The following OR10A6 variants were observed in gnomAD, a reference collection of about 807,000 sequenced individuals.
The protein encoded by OR10A6 is olfactory receptor family 10 subfamily A member 6 (gene/pseudogene), also known as olfactory receptor 10A6.
A neutral mutation model predicts 1.5 loss-of-function variants in OR10A6; 2 were observed. The observed-to-expected ratio is 1.31, with a 90% CI of 0.54 to 4.13. The LOEUF (loss-of-function observed/expected upper bound fraction) is 4.13, where lower values mean the gene tolerates loss of function less well. Ranked by LOEUF, OR10A6 falls within the 30% of genes most tolerant of loss-of-function variation. The pLI is 0.07. For synonymous variants in OR10A6, 169 were observed against 137.3 expected (o/e 1.23, Z -1.61); for missense variants, 492 against 368.6 (o/e 1.33, Z -2.74).
In OR10A6 at chr11:7,927,955, C is replaced by G; in HGVS notation, c.708G>C (p.Lys236Asn). The change falls in exon 4 of 4, where the codon AAG (lysine) becomes AAC (asparagine). Residue 236 changes from lysine to asparagine, a missense_variant. By Grantham distance (94) the Lys-to-Asn change is moderately conservative. Transcript: ENST00000641238. ...LKMPSTTGRQ[K>N]AFSTCAAHLT... ...GGTGAGCGGCACAGGTGGAAAAGGC[C>G]TTTTGTCTCCCAGTGGTTGATGGCA... 6.2e-7 allele frequency: 1 copy of G among 1,613,856 alleles called. No individual in the cohort carries two copies. Among genetic ancestry groups the G allele is most frequent in the Non-Finnish European group, 8.5e-7 (1 of 1,179,970 alleles).
In OR10A6 at chr11:7,929,282, C is replaced by T. The variant is rs1260551815; in HGVS notation, c.-620G>A. On this transcript the variant is annotated 5_prime_UTR_variant, in exon 4 of 4. Transcript: ENST00000641238. ...GTGACCTATAGACTATGTGAATTGG[C>T]TTCAAGCTTGCAGATTTCTGCCCAT... The T allele has an allele frequency of 6.6e-6, 1 of 152,152 alleles. No homozygotes were observed. The highest frequency in any genetic ancestry group is 1.5e-5 in the Non-Finnish European group (1 of 68,030). 9.4% of individuals were successfully genotyped at this position (152,152 alleles called of 1,614,324 possible).
rs1407074941 is a variant in OR10A6 at position 7,928,179 on chromosome 11, A to G, written c.484T>C (p.Trp162Arg). 3.7e-6 allele frequency: 6 copies of G among 1,613,490 alleles called. No individual in the cohort carries two copies. The Admixed American group carries it at 5.0e-5, about 13-fold the overall frequency. The stretch of plus-strand genomic sequence containing the variant: ...CCACAAAAGGGAAAACTAGATACCC[A>G]TGATGTTTGAACAGTACCTAACATA... ...GFMLGTVQTS[W>R]VSSFPFCGLN... is the part of the protein sequence containing the mutation. Residue 162 changes from tryptophan to arginine, a missense_variant, in exon 4 of 4, where the codon TGG becomes CGG. Coordinates refer to ENST00000641238, the MANE Select transcript of OR10A6 (RefSeq NM_001004461.2).
chr11:7,925,989 A>G lies in OR10A6; in HGVS notation c.*1729T>C, dbSNP rs769475319. On this transcript the variant is annotated 3_prime_UTR_variant, in exon 4 of 4. Coordinates refer to ENST00000641238, the MANE Select transcript of OR10A6 (RefSeq NM_001004461.2). ...GAGAACTTATCTTCCCATTTCACAT[A>G]CTTTCCTCTGATTGTTCCCCGCTCT... 3 of 152,170 alleles carry G rather than the reference A, an allele frequency of 2.0e-5. No homozygotes were observed. The highest frequency in any genetic ancestry group is 4.4e-5 in the Non-Finnish European group (3 of 68,034). The allele number at this position is 152,170 out of a possible 1,614,324, so 9.4% of individuals were successfully genotyped here.
At position 7,928,491 on chromosome 11, in the gene OR10A6, G is replaced by C. The variant is rs750978572; in HGVS notation, c.172C>G (p.Pro58Ala). The C allele has an allele frequency of 3.7e-6, 6 of 1,613,784 alleles. No homozygotes were observed. The Admixed American group carries it at 8.3e-5, about 22-fold the overall frequency. ...IVSLDQSLHVPMYLFLLNLSV... is the reference protein window; with the variant it reads ...IVSLDQSLHVAMYLFLLNLSV... ...AAGTTCAGGAGAAACAGGTACATGG[G>C]AACGTGGAGGCTCTGGTCTAGGGAG... Residue 58 changes from proline (P) to alanine (A), a missense_variant, in exon 4 of 4, where the codon CCC (proline) becomes GCC (alanine). By Grantham distance (27) the Pro-to-Ala change is conservative. Coordinates refer to ENST00000641238, the MANE Select transcript of OR10A6 (RefSeq NM_001004461.2).
Position 7,928,224 on chromosome 11 carries a change from A to C in OR10A6, c.439T>G (p.Phe147Val). 1 of 1,610,484 alleles carries C rather than the reference A, an allele frequency of 6.2e-7. No homozygotes were observed. The highest frequency in any genetic ancestry group is 8.5e-7 in the Non-Finnish European group (1 of 1,177,694). The change falls in exon 4 of 4, where the codon TTT (phenylalanine) becomes GTT (valine). Residue 147 changes from phenylalanine to valine, a missense_variant. Transcript: ENST00000641238. ...AACATAAAACCTAAGGCCCATGAAA[A>C]TATAATTAATTTCATAAAAACTCCT... The part of the protein sequence containing the change: ...NKGVFMKLII[F>V]SWALGFMLGT...
chr11:7,930,050 C>A lies in OR10A6; in HGVS notation c.-1388G>T, dbSNP rs184108499. On this transcript the variant is annotated 5_prime_UTR_variant, in exon 4 of 4. Transcript: ENST00000641238. Reference sequence around the variant, plus strand: ...GGCAAAGATTTTGTTTGCTTCTTTGCTCTACACACACTGCCTACACTACAA... The same window carrying A: ...GGCAAAGATTTTGTTTGCTTCTTTGATCTACACACACTGCCTACACTACAA... The A allele has an allele frequency of 1.9e-5, 1 of 53,378 alleles. No homozygotes were observed. The highest frequency in any genetic ancestry group is 6.5e-5 in the African/African-American group (1 of 15,394). 3.3% of individuals were successfully genotyped at this position (53,378 alleles called of 1,614,324 possible).
Position 7,928,768 on chromosome 11 carries a change from G to A in OR10A6, c.-106C>T. ...AGTCTGCATTCACCCCAGAAATTCTGGCAGAAGATGAGGAGCCTATCCTGA... is the reference window on the plus strand; with the variant it reads ...AGTCTGCATTCACCCCAGAAATTCTAGCAGAAGATGAGGAGCCTATCCTGA... On this transcript the variant is annotated 5_prime_UTR_variant, in exon 4 of 4. Coordinates refer to ENST00000641238, the MANE Select transcript of OR10A6 (RefSeq NM_001004461.2). 1.4e-6 allele frequency: 1 copy of A among 736,562 alleles called. No homozygotes were observed. 45.6% of individuals were successfully genotyped at this position (736,562 alleles called of 1,614,324 possible). A position where few individuals can be genotyped will look rare whatever the true frequency, so the allele number is the denominator to read the frequency against.
In OR10A6 at chr11:7,927,026, A is replaced by C. The variant is rs1419883645; in HGVS notation, c.*692T>G. ...CAGCCGTACTTTAAATGACCTTCAAAAATGATCACATGATGTTCTCTACTC... is the reference window on the plus strand; with the variant it reads ...CAGCCGTACTTTAAATGACCTTCAACAATGATCACATGATGTTCTCTACTC... On this transcript the variant is annotated 3_prime_UTR_variant, in exon 4 of 4. Coordinates refer to ENST00000641238, the MANE Select transcript of OR10A6 (RefSeq NM_001004461.2). The C allele has an allele frequency of 2.0e-5, 3 of 152,324 alleles. No individual in the cohort carries two copies. 9.4% of individuals were successfully genotyped at this position (152,324 alleles called of 1,614,324 possible). A position where few individuals can be genotyped will look rare whatever the true frequency, so the allele number is the denominator to read the frequency against.
In OR10A6 at chr11:7,927,133, A is replaced by G. The variant is rs1468990640; in HGVS notation, c.*585T>C. ...ATAGACTCTCTGGGTCCCTGAGTAG[A>G]GACATTGTGTTCCTCTCAATAAATA... On this transcript the variant is annotated 3_prime_UTR_variant, in exon 4 of 4. Transcript: ENST00000641238. 2 of 152,162 alleles carry G rather than the reference A, an allele frequency of 1.3e-5. No individual in the cohort carries two copies. The highest frequency in any genetic ancestry group is 1.3e-4 in the Admixed American group (2 of 15,256). 9.4% of individuals were successfully genotyped at this position (152,162 alleles called of 1,614,324 possible).
rs58402229 is a variant in OR10A6 at position 7,929,966 on chromosome 11, G to GTATATATATGTGTATATATATATACATA, written c.-1305_-1304insTATGTATATATATATACACATATATATA. ...TCTAGTAAGGTATGTGTATGTGTAT[G>GTATATATATGTGTATATATATATACATA]TATATATATATATATATATATATAT... On this transcript the variant is annotated 5_prime_UTR_variant, in exon 4 of 4. It adds an upstream start codon to the 5' untranslated region. Transcript: ENST00000641238. The GTATATATATGTGTATATATATATACATA allele has an allele frequency of 1.7e-5, 1 of 57,262 alleles. No homozygotes were observed. Among genetic ancestry groups the GTATATATATGTGTATATATATATACATA allele is most frequent in the Non-Finnish European group, 3.2e-5 (1 of 31,394 alleles). 3.5% of individuals were successfully genotyped at this position (57,262 alleles called of 1,614,324 possible). A position where few individuals can be genotyped will look rare whatever the true frequency, so the allele number is the denominator to read the frequency against.
rs1472616094 is a variant in OR10A6, at chr11:7,930,091, A to G, written c.-1429T>C. ...TACACTACAACCCTCCCTGGCTCATAATAGGTTTTAAACCAACATTTTTGA... is the reference window on the plus strand; with the variant it reads ...TACACTACAACCCTCCCTGGCTCATGATAGGTTTTAAACCAACATTTTTGA... On this transcript the variant is annotated 5_prime_UTR_variant, in exon 4 of 4. Coordinates refer to ENST00000641238, the MANE Select transcript of OR10A6 (RefSeq NM_001004461.2). The G allele has an allele frequency of 6.7e-6, 1 of 149,028 alleles. No individual in the cohort carries two copies. Among genetic ancestry groups the G allele is most frequent in the African/African-American group, 2.5e-5 (1 of 40,374 alleles). 9.2% of individuals were successfully genotyped at this position (149,028 alleles called of 1,614,324 possible). A position where few individuals can be genotyped will look rare whatever the true frequency, so the allele number is the denominator to read the frequency against.
chr11:7,928,395 T>C lies in OR10A6; in HGVS notation c.268A>G (p.Thr90Ala), dbSNP rs1026058498. ...AAACAGCCCCCAAAAGAAATTGTAGTTTTTTCAGTAGAGAGGACCACCAGC... is the reference window on the plus strand; with the variant it reads ...AAACAGCCCCCAAAAGAAATTGTAGCTTTTTCAGTAGAGAGGACCACCAGC... ...EMLVVLSTEK[T>A]TISFGGCFAQ... The change falls in exon 4 of 4, where the codon ACT (threonine) becomes GCT (alanine). Residue 90 changes from threonine (T) to alanine (A), a missense_variant. Physicochemically the swap from Thr to Ala is moderately conservative, Grantham distance 58. Coordinates refer to ENST00000641238, the MANE Select transcript of OR10A6 (RefSeq NM_001004461.2). 2 of 1,613,824 alleles carry C rather than the reference T, an allele frequency of 1.2e-6. No homozygotes were observed. The highest frequency in any genetic ancestry group is 2.2e-5 in the South Asian group (2 of 91,042).
chr11:7,928,868 A>G lies in OR10A6; in HGVS notation c.-206T>C. ...ATTCCAAATATAAAAAATAGAAATG[A>G]AGAATTCTGGCTCAGAGATCTTGTC... On this transcript the variant is annotated 5_prime_UTR_variant, in exon 4 of 4. Coordinates refer to ENST00000641238, the MANE Select transcript of OR10A6 (RefSeq NM_001004461.2). The G allele has an allele frequency of 2.4e-6, 1 of 408,646 alleles. No homozygotes were observed. The highest frequency in any genetic ancestry group is 4.3e-6 in the Non-Finnish European group (1 of 232,030). The allele number at this position is 408,646 out of a possible 1,614,324, so 25.3% of individuals were successfully genotyped here.
At position 7,925,525 on chromosome 11, in the gene OR10A6, A is replaced by G. The variant is rs1355663645; in HGVS notation, c.*2193T>C. The G allele has an allele frequency of 2.0e-5, 3 of 152,160 alleles. No individual in the cohort carries two copies. The highest frequency in any genetic ancestry group is 7.2e-5 in the African/African-American group (3 of 41,460). The allele number at this position is 152,160 out of a possible 1,614,324, so 9.4% of individuals were successfully genotyped here. A position where few individuals can be genotyped will look rare whatever the true frequency, so the allele number is the denominator to read the frequency against. ...AGTACACTGTAAATCCTTCAAGAGCAGAGACTATTTCATTAGATTTAGCTC... is the reference window on the plus strand; with the variant it reads ...AGTACACTGTAAATCCTTCAAGAGCGGAGACTATTTCATTAGATTTAGCTC... On this transcript the variant is annotated 3_prime_UTR_variant, in exon 4 of 4. Coordinates refer to ENST00000641238, the MANE Select transcript of OR10A6 (RefSeq NM_001004461.2).
In OR10A6 at chr11:7,930,860, C is replaced by A. The variant is rs146182428; in HGVS notation, c.-1854+1G>T. The A allele has an allele frequency of 6.6e-6, 1 of 152,118 alleles. No individual in the cohort carries two copies. The highest frequency in any genetic ancestry group is 6.6e-5 in the Admixed American group (1 of 15,264). 9.4% of individuals were successfully genotyped at this position (152,118 alleles called of 1,614,324 possible). On this transcript the variant is annotated splice_donor_variant, in intron 3 of 3. Transcript: ENST00000641238. LOFTEE classifies it low-confidence loss of function (5UTR_SPLICE). ...ATAGATCACTGACAAGTAATACTTA[C>A]GCAGATCACTTCCTCCCCAAGGCTT...
chr11:7,928,005 G>A lies in OR10A6; in HGVS notation c.658C>T (p.Arg220Ter), dbSNP rs267603211. 79 of 1,613,804 alleles carry A rather than the reference G, an allele frequency of 4.9e-5. No individual in the cohort carries two copies. The highest frequency in any genetic ancestry group is 8.3e-5 in the Admixed American group (5 of 59,892). ...PFLLILLSYI[R>*]VLFAILKMPS... ...ATCTTCAGGATGGCAAACAGAACTC[G>A]AATGTAAGACAAGAGTATCAACAAG... is the stretch of plus-strand genomic sequence containing the variant. Residue 220 changes from arginine (R) to a stop codon, truncating the protein, a stop_gained, in exon 4 of 4, where the codon CGA becomes TGA. Transcript: ENST00000641238. LOFTEE classifies it high-confidence loss of function.
chr11:7,928,826 C>A lies in OR10A6; in HGVS notation c.-164G>T. ...TTTCTTTGGCAATTTTAGACAATGA[C>A]CAAATACTTGGATTATATTCCAAAT... On this transcript the variant is annotated 5_prime_UTR_variant, in exon 4 of 4. Coordinates refer to ENST00000641238, the MANE Select transcript of OR10A6 (RefSeq NM_001004461.2). 2.4e-6 allele frequency: 1 copy of A among 421,346 alleles called. No homozygotes were observed. The highest frequency in any genetic ancestry group is 4.2e-6 in the Non-Finnish European group (1 of 239,272). 26.1% of individuals were successfully genotyped at this position (421,346 alleles called of 1,614,324 possible). A position where few individuals can be genotyped will look rare whatever the true frequency, so the allele number is the denominator to read the frequency against.
rs1204210874 is a variant in OR10A6, at chr11:7,929,590, G to A, written c.-928C>T. On this transcript the variant is annotated 5_prime_UTR_variant, in exon 4 of 4. Coordinates refer to ENST00000641238, the MANE Select transcript of OR10A6 (RefSeq NM_001004461.2). Reference sequence around the variant, plus strand: ...CCTTAGGAATACACATGAATCCAGAGCTCAACAGAGAGCTAAGCACACTAC... The same window carrying A: ...CCTTAGGAATACACATGAATCCAGAACTCAACAGAGAGCTAAGCACACTAC... The A allele has an allele frequency of 6.6e-6, 1 of 151,246 alleles. No homozygotes were observed. The highest frequency in any genetic ancestry group is 1.5e-5 in the Non-Finnish European group (1 of 67,820). 9.4% of individuals were successfully genotyped at this position (151,246 alleles called of 1,614,324 possible). A position where few individuals can be genotyped will look rare whatever the true frequency, so the allele number is the denominator to read the frequency against.
chr11:7,929,763 C>CACAT lies in OR10A6; in HGVS notation c.-1102_-1101insATGT, dbSNP rs1859493190. 2 of 86,864 alleles carry CACAT rather than the reference C, an allele frequency of 2.3e-5. No individual in the cohort carries two copies. Among genetic ancestry groups the CACAT allele is most frequent in the Non-Finnish European group, 5.5e-5 (2 of 36,344 alleles). The allele number at this position is 86,864 out of a possible 1,614,324, so 5.4% of individuals were successfully genotyped here. A position where few individuals can be genotyped will look rare whatever the true frequency, so the allele number is the denominator to read the frequency against. On this transcript the variant is annotated 5_prime_UTR_variant, in exon 4 of 4. In the 5' UTR this introduces an upstream ATG that the reference lacks. Transcript: ENST00000641238. ...ATATATATATATATATATACACACACATGCACACATATATATACACAACTG... is the reference window on the plus strand; with the variant it reads ...ATATATATATATATATATACACACACACATATGCACACATATATATACACAACTG...
Sources: gnomAD v4.1 joint callset for allele counts on GRCh38, gnomAD v4.1.1 for gene constraint, MANE v1.5 for transcripts, NCBI Gene and HGNC (gene_info 2026-07-23, HGNC 2026-07-21) for gene names.